The following MST1R variants were observed in gnomAD, a reference collection of about 807,000 sequenced individuals.
MST1R encodes the protein macrophage-stimulating protein receptor.
MST1R carries 99 observed loss-of-function variants against 117.8 expected under a neutral mutation model. The observed-to-expected ratio is 0.84, with a 90% confidence interval of 0.71 to 0.99. The LOEUF is 0.99. Ranked by LOEUF, MST1R falls within the 50% of genes least tolerant of loss-of-function variation. The pLI is 0.00. For missense variants in MST1R, 1,683 were observed against 1,840.2 expected, an observed-to-expected ratio of 0.91 and a Z score of 1.56; for synonymous variants, 734 against 765.3, an observed-to-expected ratio of 0.96 and a Z score of 0.68.
At chr3:49,888,435 C>CAAA (rs35017850) in intron 19 of MST1R, among the ~76,000 whole-genome samples, 3 of 105,610 alleles carry the variant, frequency 2.8e-5, no homozygotes, top group African/African-American at 7.6e-5. Flanking sequence ...GACTCCATCT[C>CAAA]AAAAAAAAAA....
chr3:49,898,200 G>A lies in MST1R; in HGVS notation c.1731C>T (p.His577=). The A allele has an allele frequency of 6.2e-7, 1 of 1,613,792 alleles. No individual in the cohort carries two copies. Residue 577 remains histidine, a synonymous_variant, in exon 5 of 20, where the codon CAC becomes CAT. Transcript: ENST00000296474. ...TTGTACTGCCCCTTAGAGGTCCACT[G>A]TGGGGGTGGAACTGAAATGGGGGAA... ...CPPKLTEFHP[H]SGPLRGSTRL...
intron 16 of MST1R, 41 bp downstream of exon 16, chr3:49,891,358 C>T (rs2082309485): frequency 6.2e-7 from 1 of 1,613,476 alleles, no homozygotes; most frequent in Admixed American, 1.7e-5. Context: ...CCTTCTCCAG[C>T]TGCTGCCCAG....
At chr3:49,900,966 T>A (rs937978895) in intron 1 of MST1R, among the ~76,000 whole-genome samples, 1 of 152,188 alleles carries the variant, frequency 6.6e-6, no homozygotes, top group South Asian at 2.1e-4. Context: ...CTGCACGGGG[T>A]GATTCACACA....
At position 49,891,990 on chromosome 3, in the gene MST1R, G is replaced by A. The variant is rs995891654; in HGVS notation, c.3272-152C>T. The A allele has an allele frequency of 3.1e-5, 17 of 551,646 alleles. 1 individual carries two copies. Among genetic ancestry groups the A allele is most frequent in the African/African-American group, 2.3e-4 (12 of 52,004 alleles). The allele number at this position is 551,646 out of a possible 1,614,324, so 34.2% of individuals were successfully genotyped here. A position where few individuals can be genotyped will look rare whatever the true frequency, so the allele number is the denominator to read the frequency against. On this transcript the variant is annotated intron_variant, in intron 14 of 19. Coordinates refer to ENST00000296474, the MANE Select transcript of MST1R (RefSeq NM_002447.4). ...ATTTTTATTTATTTTTTTTGAGACC[G>A]AGTCTCACTCTTGCCCAGGCTGAAG...
At chr3:49,896,683 T>G (rs1274521710) in intron 8 of MST1R, 46 bp downstream of exon 8, 1 of 1,610,280 alleles carries the variant, frequency 6.2e-7, no homozygotes, top group Admixed American at 1.7e-5. Context: ...CAAAGCTGGC[T>G]CTCTCATTCC....
Position 49,895,595 on chromosome 3 carries a change from G to T in MST1R, c.2963-47C>A. 1.9e-6 allele frequency: 3 copies of T among 1,612,360 alleles called. No individual in the cohort carries two copies. In the South Asian group the frequency reaches 3.3e-5, roughly 18 times the overall value. ...TGGCTTGGCTTTCCAAGCTCCTAGG[G>T]GCCGACCCCTCTGGGGAGGACTTAG... On this transcript the variant is annotated intron_variant, in intron 12 of 19. Transcript: ENST00000296474.
chr3:49,895,129 G>T, intron 14 of MST1R, 38 bp downstream of exon 14: 1 of 1,609,864 alleles, frequency 6.2e-7, no homozygotes, highest in South Asian at 1.1e-5. Flanking sequence ...GTCATCTTGA[G>T]ACTCCATCTC....
rs2108439799 is a variant in MST1R, at chr3:49,895,970, G to C, written c.2787C>G (p.Ala929=). 1 of 1,570,352 alleles carries C rather than the reference G, an allele frequency of 6.4e-7. No homozygotes were observed. The change falls in exon 11 of 20, where the codon GCC becomes GCG. Residue 929 remains alanine, a synonymous_variant. Coordinates refer to ENST00000296474, the MANE Select transcript of MST1R (RefSeq NM_002447.4). ...CAGCTGGGCTGCCTACCTGCAATGG[G>C]GCACCATCCTGGCCAAGCTGCAGGG... ...PPSLQLGQDG[A]PLQVCVDGEC...
At chr3:49,887,850 T>C (rs2082208569) in intron 19 of MST1R, among the ~76,000 whole-genome samples, 1 of 152,254 alleles carries the variant, frequency 6.6e-6, no homozygotes, top group Non-Finnish European at 1.5e-5. Flanking sequence ...AACTTCTCTG[T>C]GCCTCTGGGT....
At chr3:49,899,515 G>T in intron 1 of MST1R, 1 of 346,866 alleles carries the variant, frequency 2.9e-6, no homozygotes. Context: ...TGCCCATCCT[G>T]ATGGTGAGTT....
In MST1R at chr3:49,895,798, C is replaced by T; in HGVS notation, c.2879G>A (p.Gly960Asp). Residue 960 changes from glycine to aspartate, a missense_variant, in exon 12 of 20, where the codon GGT becomes GAT. Coordinates refer to ENST00000296474, the MANE Select transcript of MST1R (RefSeq NM_002447.4). The part of the protein sequence containing the change: ...PDGVPQSTLL[G>D]ILLPLLLLVA... The stretch of plus-strand genomic sequence containing the variant: ...AAGCAGCAGCAAAGGCAGCAGGATA[C>T]CAAGGAGCGTGCTCTGTGGGACCCC... 6.2e-7 allele frequency: 1 copy of T among 1,613,982 alleles called. No individual in the cohort carries two copies. The highest frequency in any genetic ancestry group is 2.2e-5 in the East Asian group (1 of 44,882).
intron 1 of MST1R, among the ~76,000 whole-genome samples, chr3:49,899,881 C>T (rs1401493461): frequency 6.6e-6 from 1 of 152,128 alleles, no homozygotes; most frequent in Non-Finnish European, 1.5e-5. Context: ...CCACCCCGTA[C>T]ATCTCACAGA....
intron 18 of MST1R, 78 bp downstream of exon 18, chr3:49,890,407 C>A (rs1051073326): frequency 3.9e-5 from 58 of 1,473,526 alleles, no homozygotes; most frequent in Non-Finnish European, 5.1e-5. Context: ...GGGCTCAGAT[C>A]ATTCAGAGCT....
Position 49,898,781 on chromosome 3 carries a change from G to A in MST1R, c.1548+86C>T, listed in dbSNP as rs567814060. 419 of 1,605,728 alleles carry A rather than the reference G, an allele frequency of 2.6e-4. 4 individuals are homozygous for A. In the Middle Eastern group the frequency reaches 8.1e-3, roughly 31 times the overall value. Reference sequence around the variant, plus strand: ...GTACACAGTAGGCTAGGGTGGTAGGGCCTGTATGTCAATGCCTCCCTGGAT... The same window carrying A: ...GTACACAGTAGGCTAGGGTGGTAGGACCTGTATGTCAATGCCTCCCTGGAT... On this transcript the variant is annotated intron_variant, in intron 3 of 19. Transcript: ENST00000296474.
intron 18 of MST1R, 44 bp downstream of exon 18, chr3:49,890,441 T>C (rs2082278270): frequency 2.5e-6 from 4 of 1,578,264 alleles, no homozygotes; most frequent in African/African-American, 1.3e-5. Flanking sequence ...CCAGTGTTCT[T>C]GGGTGCCAAA....
intron 14 of MST1R, chr3:49,892,051 C>T (rs1167427624): frequency 6.4e-5 from 23 of 361,392 alleles, no homozygotes. Flanking sequence ...GCAACCTCTG[C>T]CTCCCAGGTT....
chr3:49,896,142 T>C (rs920768869), intron 10 of MST1R, 35 bp from the exon 11 acceptor site: 2 of 1,614,054 alleles, frequency 1.2e-6, no homozygotes, highest in Non-Finnish European at 1.7e-6. Flanking sequence ...GCCAGTAGGC[T>C]GGCCCCTACT....
At chr3:49,898,730 G>A (rs762294429) in intron 3 of MST1R, 42 bp from the exon 4 acceptor site, 2 of 1,611,240 alleles carry the variant, frequency 1.2e-6, no homozygotes, top group African/African-American at 1.3e-5. Flanking sequence ...CCTGGAGGGA[G>A]AGATTGGGCC....
In MST1R at chr3:49,903,211, G is replaced by A. The variant is rs1197693385; in HGVS notation, c.399C>T (p.Val133=). The A allele has an allele frequency of 6.2e-7, 1 of 1,606,568 alleles. No individual in the cohort carries two copies. The highest frequency in any genetic ancestry group is 8.5e-7 in the Non-Finnish European group (1 of 1,179,994). Residue 133 remains valine (V), a synonymous_variant, in exon 1 of 20, where the codon GTC becomes GTT. Coordinates refer to ENST00000296474, the MANE Select transcript of MST1R (RefSeq NM_002447.4). ...GGCCCTGCAGGCTGGAGCCACAACT[G>A]ACCAGCGCAGGCAGCGCGGGATCCA... ...LVLDPALPAL[V]SCGSSLQGRC... is the part of the protein sequence containing the mutation.
Sources: gnomAD v4.1 joint callset for allele counts (sites outside exome capture counted in the v4.1 genomes callset) on GRCh38, gnomAD v4.1.1 for gene constraint, MANE v1.5 for transcripts, NCBI Gene and HGNC (gene_info 2026-07-23, HGNC 2026-07-21) for gene names.